The following NFIX variants were observed in gnomAD, a reference collection of about 807,000 sequenced individuals.
NFIX encodes nuclear factor I X, also known as nuclear factor 1 X-type.
Under a neutral mutation model 53.3 loss-of-function variants are expected in NFIX, and 2 were observed. The observed-to-expected ratio is 0.04, with a 90% CI of 0.02 to 0.12. NFIX has a LOEUF of 0.12. NFIX is among the 10% of genes least tolerant of loss of function. NFIX has a pLI of 1.00. For missense variants in NFIX, 310 were observed against 674.5 expected, an observed-to-expected ratio of 0.46 and a Z score of 5.99; for synonymous variants, 244 against 289.0, an observed-to-expected ratio of 0.84 and a Z score of 1.58.
intron 2 of NFIX, among the ~76,000 whole-genome samples, chr19:13,062,165 A>C (rs2016130920): frequency 6.6e-6 from 1 of 152,214 alleles, no homozygotes; most frequent in Non-Finnish European, 1.5e-5. Flanking sequence ...GTGAGGCTCC[A>C]GTTCCTTCCT....
chr19:13,056,257 T>C (rs903565850), intron 2 of NFIX, among the ~76,000 whole-genome samples: 3 of 152,120 alleles, frequency 2.0e-5, no homozygotes, highest in Admixed American at 6.5e-5. Flanking sequence ...GAACACACCT[T>C]GAAGAGTCTC....
Position 13,014,005 on chromosome 19 carries a change from C to T in NFIX, c.28-11016C>T, listed in dbSNP as rs2012519327. On this transcript the variant is annotated intron_variant, in intron 1 of 10. Transcript: ENST00000592199. The surrounding 1 kb of genome is among the most constrained non-coding windows in gnomAD (Gnocchi z 4.4). ...GTCTGTAATCAGAGAAAAATACCAG[C>T]TTTGTTGAGGGTTAGAATATATCAT... 6.6e-6 allele frequency: 1 copy of T among 152,216 alleles called. No individual in the cohort carries two copies. The highest frequency in any genetic ancestry group is 1.9e-4 in the East Asian group (1 of 5,196). 9.4% of individuals were successfully genotyped at this position (152,216 alleles called of 1,614,324 possible). A position where few individuals can be genotyped will look rare whatever the true frequency, so the allele number is the denominator to read the frequency against.
chr19:13,061,674 A>G (rs1237304496), intron 2 of NFIX, among the ~76,000 whole-genome samples: 1 of 152,250 alleles, frequency 6.6e-6, no homozygotes, highest in Non-Finnish European at 1.5e-5. Context: ...TCAGGGAGCT[A>G]TGAATGAGGA....
Position 13,025,817 on chromosome 19 carries a change from T to G in NFIX, c.559+265T>G, listed in dbSNP as rs2013296392. Among the ~76,000 whole-genome samples the G allele has an allele frequency of 2.0e-5, 3 of 152,174 alleles. No homozygotes were observed. Among genetic ancestry groups the G allele is most frequent in the Admixed American group, 2.0e-4 (3 of 15,286 alleles). ...CTCCATCTTTGGAGGACTTATCTGA[T>G]CAGAAAGATGCTGCAGGTCTTAGGA... is the stretch of plus-strand genomic sequence containing the variant. On this transcript the variant is annotated intron_variant, in intron 2 of 10. Coordinates refer to ENST00000592199, the MANE Select transcript of NFIX (RefSeq NM_001365902.3). The surrounding 1 kb of genome is among the most constrained non-coding windows in gnomAD (Gnocchi z 7.5).
Position 13,094,479 on chromosome 19 carries a change from TTTC to T in NFIX, c.1495-151_1495-149del, listed in dbSNP as rs999787842. Among the ~76,000 whole-genome samples, 21 of 152,218 alleles carry T rather than the reference TTTC, an allele frequency of 1.4e-4. No homozygotes were observed. The highest frequency in any genetic ancestry group is 4.8e-4 in the African/African-American group (20 of 41,548). ...AGGGAGGGAGAGAATGGGGATGCCC[TTTC>T]TTCTCCATGGGAACAAGGTGGGTGG... On this transcript the variant is annotated intron_variant, in intron 10 of 10. Coordinates refer to ENST00000592199, the MANE Select transcript of NFIX (RefSeq NM_001365902.3). The surrounding 1 kb of genome is among the most constrained non-coding windows in gnomAD (Gnocchi z 4.3).
At chr19:13,076,759 C>T (rs776871907) in intron 6 of NFIX, among the ~76,000 whole-genome samples, 33 of 152,152 alleles carry the variant, frequency 2.2e-4, no homozygotes, top group Non-Finnish European at 4.1e-4. Flanking sequence ...TGGGGTGGAG[C>T]GAGGTGGGGC....
At position 13,023,070 on chromosome 19, in the gene NFIX, T is replaced by TTCTCTCTCTCTCTCTCTCTCTCTCTC. The variant is rs3840930; in HGVS notation, c.28-1949_28-1924dup. Among the ~76,000 whole-genome samples the TTCTCTCTCTCTCTCTCTCTCTCTCTC allele has an allele frequency of 6.3e-4, 87 of 138,100 alleles. 2 individuals are homozygous for TTCTCTCTCTCTCTCTCTCTCTCTCTC. The highest frequency in any genetic ancestry group is 6.9e-4 in the South Asian group (3 of 4,318). 90.6% of individuals were successfully genotyped at this position (138,100 alleles called of 152,430 possible). On this transcript the variant is annotated intron_variant, in intron 1 of 10. Transcript: ENST00000592199. Reference sequence around the variant, plus strand: ...CAAATAGGTGGATCCTTCTCTCTCTTTCTCTCTCTCTCTCTCTCTCTCTCT... The same window carrying TTCTCTCTCTCTCTCTCTCTCTCTCTC: ...CAAATAGGTGGATCCTTCTCTCTCTTTCTCTCTCTCTCTCTCTCTCTCTCTCTCTCTCTCTCTCTCTCTCTCTCTCT...
intron 8 of NFIX, among the ~76,000 whole-genome samples, chr19:13,087,554 CAG>C (rs1284114412): frequency 6.6e-6 from 1 of 152,010 alleles, no homozygotes; most frequent in Non-Finnish European, 1.5e-5. Flanking sequence ...CGACAGCCCT[CAG>C]AGGGAGGCAG....
Position 13,037,419 on chromosome 19 carries a change from G to A in NFIX, c.559+11867G>A, listed in dbSNP as rs1396682079. Among the ~76,000 whole-genome samples, 1 of 152,206 alleles carries A rather than the reference G, an allele frequency of 6.6e-6. No individual in the cohort carries two copies. Among genetic ancestry groups the A allele is most frequent in the African/African-American group, 2.4e-5 (1 of 41,450 alleles). Reference sequence around the variant, plus strand: ...TTTGATGCGGATCTCAGAGAGCCTCGTGGAAGTAATGGCGCTGAGAGATGG... The same window carrying A: ...TTTGATGCGGATCTCAGAGAGCCTCATGGAAGTAATGGCGCTGAGAGATGG... On this transcript the variant is annotated intron_variant, in intron 2 of 10. Transcript: ENST00000592199. This position sits in a 1 kb window ranked among gnomAD's most constrained non-coding sequence, Gnocchi z 4.2.
chr19:13,064,074 AC>A (rs33919527), intron 2 of NFIX, among the ~76,000 whole-genome samples: 145,832 of 150,782 alleles, frequency 0.97, 70,444 homozygotes, highest in Middle Eastern at 1. Flanking sequence ...CTGGGATGGG[AC>A]CCCCCCCCTC....
At chr19:13,030,106 A>G (rs1376032088) in intron 2 of NFIX, among the ~76,000 whole-genome samples, 1 of 152,190 alleles carries the variant, frequency 6.6e-6, no homozygotes, top group Non-Finnish European at 1.5e-5. Context: ...AGGCCCAGAA[A>G]TGCCACTGGT....
At chr19:13,061,598 T>C (rs530580040) in intron 2 of NFIX, among the ~76,000 whole-genome samples, 4 of 152,100 alleles carry the variant, frequency 2.6e-5, no homozygotes, top group African/African-American at 4.8e-5. Flanking sequence ...CCGCGTCGCT[T>C]CCTGAGCCGC....
Position 12,996,667 on chromosome 19 carries a change from G to A in NFIX, c.27+803G>A, listed in dbSNP as rs1380633021. Among the ~76,000 whole-genome samples, 2 of 152,208 alleles carry A rather than the reference G, an allele frequency of 1.3e-5. No homozygotes were observed. The highest frequency in any genetic ancestry group is 2.9e-5 in the Non-Finnish European group (2 of 68,024). ...CCCGGGCTGCTGCGGAGTGGACCCG[G>A]CAGGCCTGGGGAATCCCGTCCCGTC... On this transcript the variant is annotated intron_variant, in intron 1 of 10. Coordinates refer to ENST00000592199, the MANE Select transcript of NFIX (RefSeq NM_001365902.3). This position sits in a 1 kb window ranked among gnomAD's most constrained non-coding sequence, Gnocchi z 5.2.
chr19:13,004,257 C>T (rs995678610), intron 1 of NFIX, among the ~76,000 whole-genome samples: 39 of 152,118 alleles, frequency 2.6e-4, no homozygotes, highest in African/African-American at 9.4e-4. Flanking sequence ...CACAGTAACA[C>T]ACACAGGCAC....
intron 2 of NFIX, among the ~76,000 whole-genome samples, chr19:13,058,937 G>A (rs760335084): frequency 4.6e-5 from 7 of 152,010 alleles, no homozygotes; most frequent in Non-Finnish European, 7.4e-5. Flanking sequence ...GTCCCTCCAG[G>A]AAGATGTAGG....
intron 8 of NFIX, chr19:13,082,073 G>A (rs947489139): frequency 6.9e-6 from 4 of 580,176 alleles, no homozygotes; most frequent in African/African-American, 1.9e-5. Context: ...AGAGGTGGGG[G>A]CAGCATCTGG....
intron 2 of NFIX, among the ~76,000 whole-genome samples, chr19:13,046,934 A>G (rs1222511862): frequency 2.0e-5 from 3 of 152,174 alleles, no homozygotes; most frequent in African/African-American, 7.2e-5. Flanking sequence ...TCAGAAGTGA[A>G]GCTACTGCCA....
In NFIX at chr19:13,066,627, G is replaced by A. The variant is rs779094403; in HGVS notation, c.560-6420G>A. Among the ~76,000 whole-genome samples the A allele has an allele frequency of 3.3e-5, 5 of 152,136 alleles. No homozygotes were observed. Among genetic ancestry groups the A allele is most frequent in the Admixed American group, 2.0e-4 (3 of 15,278 alleles). On this transcript the variant is annotated intron_variant, in intron 2 of 10. Transcript: ENST00000592199. The surrounding 1 kb of genome is among the most constrained non-coding windows in gnomAD (Gnocchi z 4.2). ...ATCCCTGCCCCCACCCACAGCTTGCGGGCTCTGCTTCTTGTTCAGGCTCCG... is the reference window on the plus strand; with the variant it reads ...ATCCCTGCCCCCACCCACAGCTTGCAGGCTCTGCTTCTTGTTCAGGCTCCG...
At chr19:13,020,475 ACTCCTCCAGAAAGGC>A (rs1199441858) in intron 1 of NFIX, among the ~76,000 whole-genome samples, 1 of 151,934 alleles carries the variant, frequency 6.6e-6, no homozygotes, top group African/African-American at 2.4e-5. Flanking sequence ...TATCCTGGCC[ACTCCTCCAGAAAGGC>A]CTCCTCCACT....
Sources: gnomAD v4.1 joint callset for allele counts (sites outside exome capture counted in the v4.1 genomes callset) on GRCh38, gnomAD v4.1.1 for gene constraint, Gnocchi (gnomAD v3.1) non-coding constraint, MANE v1.5 for transcripts, NCBI Gene and HGNC (gene_info 2026-07-23, HGNC 2026-07-21) for gene names.